The following INPP5B variants were observed in gnomAD, a reference collection of about 807,000 sequenced individuals.
INPP5B encodes the protein inositol polyphosphate-5-phosphatase B.
Under a neutral mutation model 118.5 loss-of-function variants are expected in INPP5B, and 90 were observed. The observed-to-expected ratio is 0.76, with a 90% CI of 0.64 to 0.90. The LOEUF (loss-of-function observed/expected upper bound fraction) is 0.90. Ranked by LOEUF, INPP5B falls within the 40% of genes least tolerant of loss-of-function variation. The probability of loss-of-function intolerance (pLI) is 0.00; values close to 1 mark genes in which losing one functional copy is unlikely to be tolerated. For missense variants in INPP5B, 984 were observed against 1,125.6 expected (o/e 0.87, Z 1.80); for synonymous variants, 385 against 418.9 (o/e 0.92, Z 0.99).
intron 7 of INPP5B, among the ~76,000 whole-genome samples, chr1:37,897,738 AATG>A (rs1644175626): frequency 2.0e-5 from 3 of 152,004 alleles, no homozygotes; most frequent in South Asian, 2.1e-4. Context: ...AATTAAAAAT[AATG>A]ATAATAATAA....
chr1:37,917,858 A>G (rs1242415988), intron 7 of INPP5B, among the ~76,000 whole-genome samples: 1 of 152,150 alleles, frequency 6.6e-6, no homozygotes, highest in Non-Finnish European at 1.5e-5. Context: ...TTCCTCTTCT[A>G]CAAGGAACCC....
chr1:37,919,289 G>A (rs1470156922), intron 7 of INPP5B, among the ~76,000 whole-genome samples: 2 of 152,164 alleles, frequency 1.3e-5, no homozygotes, highest in Non-Finnish European at 2.9e-5. Context: ...GGTCTAGGAG[G>A]AGGTGTCCCC....
At chr1:37,911,778 C>T (rs1296009335) in intron 7 of INPP5B, among the ~76,000 whole-genome samples, 1 of 152,190 alleles carries the variant, frequency 6.6e-6, no homozygotes, top group Non-Finnish European at 1.5e-5. Context: ...ATACTCTTCT[C>T]AAGGCTGTTT....
intron 7 of INPP5B, among the ~76,000 whole-genome samples, chr1:37,928,162 G>C (rs1001448387): frequency 6.6e-6 from 1 of 151,856 alleles, no homozygotes; most frequent in Non-Finnish European, 1.5e-5. Context: ...CTCCTGCCGT[G>C]AATCAAAAAC....
rs1396405313 is a variant in INPP5B at position 37,873,101 on chromosome 1, C to G, written c.2016G>C (p.Ser672=). 6.2e-7 allele frequency: 1 copy of G among 1,614,116 alleles called. No individual in the cohort carries two copies. Among genetic ancestry groups the G allele is most frequent in the South Asian group, 1.1e-5 (1 of 91,078 alleles). ...VNKMTATKLN[S]GEDKIEDILV... is the part of the protein sequence containing the mutation. Reference sequence around the variant, plus strand: ...GAATGTCCTCAATTTTGTCTTCACCCGAGTTGAGCTTTGTAGCTGTCATCT... The same window carrying G: ...GAATGTCCTCAATTTTGTCTTCACCGGAGTTGAGCTTTGTAGCTGTCATCT... The change falls in exon 19 of 24, where the codon TCG becomes TCC. Residue 672 remains serine (S), a synonymous_variant. Coordinates refer to ENST00000373024, the MANE Select transcript of INPP5B (RefSeq NM_005540.3).
At chr1:37,862,933 T>C (rs1301861119) in intron 23 of INPP5B, among the ~76,000 whole-genome samples, 1 of 151,970 alleles carries the variant, frequency 6.6e-6, no homozygotes, top group African/African-American at 2.4e-5. Context: ...GTGTCAGAGG[T>C]GGCTGAGGTT....
In INPP5B at chr1:37,862,100, C is replaced by T. The variant is rs1229998540; in HGVS notation, c.*215G>A. On this transcript the variant is annotated 3_prime_UTR_variant, in exon 24 of 24. Transcript: ENST00000373024. The stretch of plus-strand genomic sequence containing the variant: ...ATAACTAAAGTTGAAAATTGAATGT[C>T]AGTTTTATTATGGTGGATTTTCTCC... 2.0e-5 allele frequency: 9 copies of T among 456,624 alleles called. No individual in the cohort carries two copies. Among genetic ancestry groups the T allele is most frequent in the African/African-American group, 4.0e-5 (2 of 49,898 alleles). The allele number at this position is 456,624 out of a possible 1,614,324, so 28.3% of individuals were successfully genotyped here.
chr1:37,908,690 C>A (rs541310321), intron 7 of INPP5B, among the ~76,000 whole-genome samples: 1 of 152,142 alleles, frequency 6.6e-6, no homozygotes, highest in South Asian at 2.1e-4. Context: ...TTAATCACTG[C>A]GGAGATGCCT....
chr1:37,902,773 G>A (rs1570214666), intron 7 of INPP5B, among the ~76,000 whole-genome samples: 2 of 152,058 alleles, frequency 1.3e-5, no homozygotes, highest in East Asian at 3.9e-4. Flanking sequence ...GGTCAGGCTG[G>A]TCTCAAACTC....
chr1:37,878,142 C>A (rs1489916442), intron 16 of INPP5B, 46 bp downstream of exon 16: 1 of 1,597,776 alleles, frequency 6.3e-7, no homozygotes, highest in African/African-American at 1.3e-5. Context: ...GTTGTGAAAG[C>A]CAATTCCCTC....
intron 7 of INPP5B, among the ~76,000 whole-genome samples, chr1:37,900,544 C>T (rs982870049): frequency 1.3e-5 from 2 of 151,566 alleles, no homozygotes; most frequent in African/African-American, 4.8e-5. Context: ...TGAGCCACTG[C>T]GCCCGGCTGA....
Position 37,885,620 on chromosome 1 carries a change from G to C in INPP5B, c.1319+18C>G. On this transcript the variant is annotated intron_variant, in intron 13 of 23. Transcript: ENST00000373024. ...ATGTACTCATGGTGAACCGCATGGG[G>C]TGGAAGCCCAGACTCACTCATGGTT... 6.2e-7 allele frequency: 1 copy of C among 1,611,382 alleles called. No individual in the cohort carries two copies.
At chr1:37,883,056 T>A in intron 13 of INPP5B, 138 bp from the exon 14 acceptor site, 1 of 1,439,930 alleles carries the variant, frequency 6.9e-7, no homozygotes. Flanking sequence ...TTCGGAAAAT[T>A]TTTTTCTCTC....
chr1:37,927,568 G>A (rs1456603164), intron 7 of INPP5B, among the ~76,000 whole-genome samples: 3 of 144,308 alleles, frequency 2.1e-5, no homozygotes, highest in African/African-American at 2.6e-5. Context: ...ACAGAGTCTC[G>A]CTCTGTCACC....
intron 7 of INPP5B, among the ~76,000 whole-genome samples, chr1:37,896,595 G>A (rs1570164140): frequency 1.4e-5 from 2 of 142,674 alleles, no homozygotes; most frequent in African/African-American, 5.2e-5. Context: ...CCGGGAAGGA[G>A]GTGGGGGGGT....
chr1:37,899,947 T>C (rs1644267608), intron 7 of INPP5B, among the ~76,000 whole-genome samples: 1 of 152,024 alleles, frequency 6.6e-6, no homozygotes, highest in Non-Finnish European at 1.5e-5. Context: ...GTCTCCTGAC[T>C]TCATGATCCG....
intron 15 of INPP5B, chr1:37,878,538 A>T: frequency 1.0e-6 from 1 of 974,088 alleles, no homozygotes; most frequent in Non-Finnish European, 1.2e-6. Context: ...AAGCCAAAAC[A>T]GAGTTCAGAC....
chr1:37,931,363 A>C (rs2148662648), intron 7 of INPP5B: 9 of 1,273,106 alleles, frequency 7.1e-6, no homozygotes, highest in African/African-American at 1.5e-5. Flanking sequence ...GCTCAGATGG[A>C]GCAACAGGCC....
rs28600729 is a variant in INPP5B at position 37,940,954 on chromosome 1, A to G, written c.281-156T>C. ...GGACAGCTGCTGGGACAACAAGGAA[A>G]CCCTCTGTACCCTGAGTTCCAAATT... On this transcript the variant is annotated intron_variant, in intron 5 of 23. Coordinates refer to ENST00000373024, the MANE Select transcript of INPP5B (RefSeq NM_005540.3). Among the ~76,000 whole-genome samples the G allele has an allele frequency of 0.083, 12,680 of 152,036 alleles. 1,319 individuals are homozygous for G. Among genetic ancestry groups the G allele is most frequent in the African/African-American group, 0.24 (9,811 of 41,414 alleles).
Sources: allele counts gnomAD v4.1 joint callset (sites outside exome capture counted in the v4.1 genomes callset), GRCh38; gene constraint gnomAD v4.1.1; transcripts MANE v1.5; gene names NCBI Gene and HGNC (gene_info 2026-07-23, HGNC 2026-07-21).